The following HIGD1A variants were observed in gnomAD, a reference collection of about 807,000 sequenced individuals.
HIGD1A encodes HIG1 hypoxia inducible domain family member 1A.
A neutral mutation model predicts 11.3 loss-of-function variants in HIGD1A; 8 were observed. The ratio of observed to expected loss-of-function variants is 0.71; its 90% CI spans 0.42 to 1.28. The LOEUF (loss-of-function observed/expected upper bound fraction) is 1.28. Ranked by LOEUF, HIGD1A falls within the 50% of genes most tolerant of loss-of-function variation. The pLI is 0.01. For synonymous variants in HIGD1A, 32 were observed against 38.4 expected (o/e 0.83, Z 0.62); for missense variants, 107 against 118.8 (o/e 0.90, Z 0.46).
At chr3:42,788,136 T>G (rs148100483) in intron 2 of HIGD1A, among the ~76,000 whole-genome samples, 9 of 152,254 alleles carry the variant, frequency 5.9e-5, no homozygotes, top group African/African-American at 1.9e-4. Flanking sequence ...AAAACAGTAC[T>G]GGTTCTTAGA....
chr3:42,803,866 G>C (rs1345132364), intron 1 of HIGD1A, among the ~76,000 whole-genome samples: 1 of 152,026 alleles, frequency 6.6e-6, no homozygotes, highest in Non-Finnish European at 1.5e-5. Flanking sequence ...TTCCCAGGGT[G>C]GAGGAAACAC....
intron 1 of HIGD1A, 71 bp from the exon 2 acceptor site, chr3:42,794,346 A>C: frequency 1.5e-6 from 2 of 1,343,798 alleles, no homozygotes; most frequent in East Asian, 2.6e-5. Context: ...GGATGTATTT[A>C]AAATATTCCT....
chr3:42,790,148 T>TA (rs149814639), intron 2 of HIGD1A, among the ~76,000 whole-genome samples: 3,757 of 152,052 alleles, frequency 0.025, 64 homozygotes, highest in Middle Eastern at 0.075. Flanking sequence ...TTAAATCACA[T>TA]AAAAAAAACT....
rs1316930990 is a variant in HIGD1A at position 42,783,177 on chromosome 3, A to G, written c.*2094T>C. On this transcript the variant is annotated 3_prime_UTR_variant, in exon 4 of 4. Coordinates refer to ENST00000321331, the MANE Select transcript of HIGD1A (RefSeq NM_014056.4). The stretch of plus-strand genomic sequence containing the variant: ...AGGATGACAACAGAATGTAAATATT[A>G]TATGTCCTCACAAGGTAGGAATGAT... Among the ~76,000 whole-genome samples the G allele has an allele frequency of 2.0e-5, 3 of 152,256 alleles. No homozygotes were observed. The highest frequency in any genetic ancestry group is 4.4e-5 in the Non-Finnish European group (3 of 68,038).
Position 42,795,954 on chromosome 3 carries a change from CTAAT to C in HIGD1A, c.-22-1683_-22-1680del, listed in dbSNP as rs565362835. Among the ~76,000 whole-genome samples the C allele has an allele frequency of 4.0e-3, 608 of 152,334 alleles. 5 individuals carry two copies. Among genetic ancestry groups the C allele is most frequent in the African/African-American group, 0.014 (577 of 41,584 alleles). On this transcript the variant is annotated intron_variant, in intron 1 of 3. Coordinates refer to ENST00000321331, the MANE Select transcript of HIGD1A (RefSeq NM_014056.4). ...AAGCATAGTGTAAGCATACAAGTCT[CTAAT>C]TAGTGTCAATTACAATAAACTTAAA...
At chr3:42,788,685 T>A (rs1332978978) in intron 2 of HIGD1A, among the ~76,000 whole-genome samples, 1 of 151,864 alleles carries the variant, frequency 6.6e-6, no homozygotes, top group Non-Finnish European at 1.5e-5. Context: ...AGTTCGAGAC[T>A]AGCCTGGCCA....
At chr3:42,801,548 C>A (rs1324619662) in intron 1 of HIGD1A, among the ~76,000 whole-genome samples, 2 of 152,180 alleles carry the variant, frequency 1.3e-5, no homozygotes, top group Non-Finnish European at 2.9e-5. Flanking sequence ...CATTTCTCAA[C>A]AACTGAAAGC....
rs1700333199 is a variant in HIGD1A, at chr3:42,785,084, C to T, written c.*187G>A. On this transcript the variant is annotated 3_prime_UTR_variant, in exon 4 of 4. Coordinates refer to ENST00000321331, the MANE Select transcript of HIGD1A (RefSeq NM_014056.4). ...TTCCTTGAATGACCTAGTTAGTAAACTAGTCACTAGTAATTCGGTCACCAA... is the reference window on the plus strand; with the variant it reads ...TTCCTTGAATGACCTAGTTAGTAAATTAGTCACTAGTAATTCGGTCACCAA... 7 of 499,384 alleles carry T rather than the reference C, an allele frequency of 1.4e-5. No homozygotes were observed. In the South Asian group the frequency reaches 2.3e-4, roughly 16 times the overall value. The allele number at this position is 499,384 out of a possible 1,614,324, so 30.9% of individuals were successfully genotyped here. A position where few individuals can be genotyped will look rare whatever the true frequency, so the allele number is the denominator to read the frequency against.
intron 3 of HIGD1A, among the ~76,000 whole-genome samples, chr3:42,785,696 C>A (rs1700341050): frequency 6.6e-6 from 1 of 152,164 alleles, no homozygotes; most frequent in Non-Finnish European, 1.5e-5. Flanking sequence ...TTAAGAATCT[C>A]TCCTTTAAAA....
intron 2 of HIGD1A, among the ~76,000 whole-genome samples, chr3:42,790,426 G>A (rs563569816): frequency 6.6e-6 from 1 of 152,282 alleles, no homozygotes; most frequent in Admixed American, 6.5e-5. Flanking sequence ...CCAGCTACTC[G>A]GGAGGCTGAG....
At chr3:42,802,003 C>T (rs140485206) in intron 1 of HIGD1A, among the ~76,000 whole-genome samples, 203 of 152,186 alleles carry the variant, frequency 1.3e-3, no homozygotes, top group African/African-American at 4.5e-3. Context: ...GCACTCCAGC[C>T]GGGGCAACAG....
chr3:42,787,594 A>AAAAAAAAAAAAT (rs1383516264), intron 2 of HIGD1A, among the ~76,000 whole-genome samples: 52 of 141,244 alleles, frequency 3.7e-4, no homozygotes, highest in East Asian at 2.7e-3. Context: ...CCATCTCAAA[A>AAAAAAAAAAAAT]ATATATATAT....
rs1279918748 is a variant in HIGD1A at position 42,783,549 on chromosome 3, A to T, written c.*1722T>A. ...AGAATCGCACGAAGCTAGGAGGTGG[A>T]GGGTGCCGTGAGCTCAGATCACACC... On this transcript the variant is annotated 3_prime_UTR_variant, in exon 4 of 4. Transcript: ENST00000321331. Among the ~76,000 whole-genome samples, 4 of 152,140 alleles carry T rather than the reference A, an allele frequency of 2.6e-5. No homozygotes were observed. Among genetic ancestry groups the T allele is most frequent in the African/African-American group, 9.7e-5 (4 of 41,434 alleles).
intron 2 of HIGD1A, among the ~76,000 whole-genome samples, chr3:42,789,324 T>C (rs958196851): frequency 1.3e-5 from 2 of 152,090 alleles, no homozygotes; most frequent in Admixed American, 6.5e-5. Context: ...ATTATAGGTG[T>C]GAACCACTGT....
chr3:42,794,016 A>G, intron 2 of HIGD1A, 141 bp downstream of exon 2: 1 of 825,070 alleles, frequency 1.2e-6, no homozygotes, highest in Non-Finnish European at 1.8e-6. Context: ...AATCTTTATG[A>G]TGAGATTTAT....
intron 3 of HIGD1A, 70 bp downstream of exon 3, chr3:42,785,958 T>G: frequency 7.1e-7 from 1 of 1,404,396 alleles, no homozygotes; most frequent in Admixed American, 1.8e-5. Context: ...CTAAAAATAT[T>G]TACCTATTTT....
intron 3 of HIGD1A, 102 bp from the exon 4 acceptor site, chr3:42,785,422 T>C: frequency 1.1e-6 from 1 of 876,920 alleles, no homozygotes; most frequent in Non-Finnish European, 1.9e-6. Flanking sequence ...ACTGCTAGCA[T>C]GGAATATTTA....
At chr3:42,794,106 T>C in intron 2 of HIGD1A, 51 bp downstream of exon 2, 1 of 1,545,518 alleles carries the variant, frequency 6.5e-7, no homozygotes, top group African/African-American at 1.4e-5. Flanking sequence ...AATGAACAAA[T>C]TATCACGGCT....
intron 1 of HIGD1A, among the ~76,000 whole-genome samples, chr3:42,796,154 T>C (rs1343932677): frequency 6.6e-6 from 1 of 152,190 alleles, no homozygotes; most frequent in Non-Finnish European, 1.5e-5. Flanking sequence ...GGGGGTGGTG[T>C]GCTTAGTTTA....
Sources: allele counts gnomAD v4.1 joint callset (sites outside exome capture counted in the v4.1 genomes callset), GRCh38; gene constraint gnomAD v4.1.1; transcripts MANE v1.5; gene names NCBI Gene and HGNC (gene_info 2026-07-23, HGNC 2026-07-21).